Variants in LDB2 observed in about 807,000 individuals in gnomAD.
LDB2 encodes the protein LIM domain binding 2, also known as LIM domain-binding protein 2.
Under a neutral mutation model 44.3 loss-of-function variants are expected in LDB2, and 12 were observed. That is an observed-to-expected ratio of 0.27 (90% confidence interval 0.17 to 0.44). The LOEUF is 0.44. LDB2 is among the 20% of genes least tolerant of loss of function. LDB2 has a pLI of 1.00. For synonymous variants in LDB2, 164 were observed against 174.8 expected, an observed-to-expected ratio of 0.94 and a Z score of 0.49; for missense variants, 344 against 473.5, an observed-to-expected ratio of 0.73 and a Z score of 2.54.
chr4:16,565,438 A>ATT lies in LDB2; in HGVS notation c.615+20482_615+20483dup, dbSNP rs552027551. Among the ~76,000 whole-genome samples, 561 of 149,670 alleles carry ATT rather than the reference A, an allele frequency of 3.7e-3. 5 individuals are homozygous for ATT. Among genetic ancestry groups the ATT allele is most frequent in the African/African-American group, 0.013 (528 of 40,982 alleles). ...ATACATTTGATAAAATTCGACATCCATTTTTTTTTTACTTTAAATAGCTCT... is the reference window on the plus strand; with the variant it reads ...ATACATTTGATAAAATTCGACATCCATTTTTTTTTTTTACTTTAAATAGCTCT... On this transcript the variant is annotated intron_variant, in intron 5 of 7. Coordinates refer to ENST00000304523, the MANE Select transcript of LDB2 (RefSeq NM_001290.5).
chr4:16,724,034 C>T lies in LDB2; in HGVS notation c.235+35124G>A, dbSNP rs188918082. Reference sequence around the variant, plus strand: ...CCTGCCATCTCCTCACTGCCTACAGCAGTGCCTAGTGCAGTGCAGCCAATC... The same window carrying T: ...CCTGCCATCTCCTCACTGCCTACAGTAGTGCCTAGTGCAGTGCAGCCAATC... On this transcript the variant is annotated intron_variant, in intron 2 of 7. Transcript: ENST00000304523. 1.8e-4 allele frequency among the ~76,000 whole-genome samples: 27 copies of T among 152,266 alleles called. No individual in the cohort carries two copies. The East Asian group carries it at 4.8e-3, about 27-fold the overall frequency.
intron 2 of LDB2, among the ~76,000 whole-genome samples, chr4:16,631,086 G>A (rs964166060): frequency 6.6e-5 from 10 of 152,192 alleles, no homozygotes; most frequent in South Asian, 2.1e-4. Context: ...AAGTGGACAT[G>A]ATAGACATCT....
chr4:16,720,922 T>C (rs1758135898), intron 2 of LDB2, among the ~76,000 whole-genome samples: 1 of 152,096 alleles, frequency 6.6e-6, no homozygotes, highest in African/African-American at 2.4e-5. Context: ...AAAGATAGAC[T>C]AGGCTGATCC....
chr4:16,589,115 A>G (rs1330372586), intron 3 of LDB2, among the ~76,000 whole-genome samples: 1 of 152,196 alleles, frequency 6.6e-6, no homozygotes, highest in Admixed American at 6.5e-5. Flanking sequence ...ATCTGTAAAT[A>G]TGGAGATAAA....
intron 1 of LDB2, among the ~76,000 whole-genome samples, chr4:16,881,954 A>G (rs961361881): frequency 6.6e-6 from 1 of 152,214 alleles, no homozygotes; most frequent in African/African-American, 2.4e-5. Flanking sequence ...TTAAGAAGTT[A>G]ACAGTGCCTT....
At chr4:16,738,776 T>G (rs1302856675) in intron 2 of LDB2, among the ~76,000 whole-genome samples, 1 of 152,242 alleles carries the variant, frequency 6.6e-6, no homozygotes, top group Non-Finnish European at 1.5e-5. Flanking sequence ...TGAATGAATA[T>G]GCGAATGGAT....
chr4:16,769,858 G>A (rs752919839), intron 1 of LDB2, among the ~76,000 whole-genome samples: 1 of 152,116 alleles, frequency 6.6e-6, no homozygotes, highest in Non-Finnish European at 1.5e-5. Context: ...TCCCTGTCTA[G>A]TGCCTGTGGA....
rs746235884 is a variant in LDB2, at chr4:16,705,618, A to G, written c.235+53540T>C. 8.7e-4 allele frequency among the ~76,000 whole-genome samples: 133 copies of G among 152,332 alleles called. 3 individuals carry two copies. The highest frequency in any genetic ancestry group is 1.4e-3 in the Admixed American group (21 of 15,306). On this transcript the variant is annotated intron_variant, in intron 2 of 7. Coordinates refer to ENST00000304523, the MANE Select transcript of LDB2 (RefSeq NM_001290.5). ...CACAGTCCCATGAAGAAAAATATAG[A>G]GGCTTTTTGTTCTAAGCCACTCTGT...
chr4:16,858,932 A>G (rs1242577653), intron 1 of LDB2, among the ~76,000 whole-genome samples: 1 of 152,224 alleles, frequency 6.6e-6, no homozygotes, highest in Non-Finnish European at 1.5e-5. Context: ...CCAACTCTCC[A>G]TGCTTCAAAT....
chr4:16,759,451 C>A, intron 1 of LDB2, 191 bp from the exon 2 acceptor site: 1 of 558,430 alleles, frequency 1.8e-6, no homozygotes, highest in South Asian at 2.5e-5. Context: ...AACCAAATTC[C>A]AATTCAATAA....
chr4:16,765,700 T>C (rs1213163998), intron 1 of LDB2, among the ~76,000 whole-genome samples: 3 of 152,212 alleles, frequency 2.0e-5, no homozygotes, highest in African/African-American at 4.8e-5. Flanking sequence ...TCTAAAAATG[T>C]AGGAATCTTA....
intron 2 of LDB2, among the ~76,000 whole-genome samples, chr4:16,731,603 T>C (rs370456858): frequency 5.9e-5 from 9 of 152,204 alleles, no homozygotes; most frequent in East Asian, 5.8e-4. Context: ...TCAACAGGAA[T>C]TGAATTAGCC....
chr4:16,532,605 G>T (rs752738282), intron 5 of LDB2, among the ~76,000 whole-genome samples: 4 of 152,154 alleles, frequency 2.6e-5, no homozygotes, highest in Admixed American at 6.6e-5. Context: ...CTTAGGTGTG[G>T]TCACGAAGAG....
At chr4:16,651,596 T>TA (rs397781290) in intron 2 of LDB2, among the ~76,000 whole-genome samples, 1 of 151,614 alleles carries the variant, frequency 6.6e-6, no homozygotes, top group Admixed American at 6.6e-5. Context: ...CTTTTTTTTT[T>TA]AATGTCTACG....
At chr4:16,666,955 T>A (rs1388036330) in intron 2 of LDB2, among the ~76,000 whole-genome samples, 1 of 152,098 alleles carries the variant, frequency 6.6e-6, no homozygotes, top group Non-Finnish European at 1.5e-5. Context: ...GGTGGGGGAA[T>A]GGAAAGGTGA....
chr4:16,511,839 T>C (rs1721877152), intron 6 of LDB2, 142 bp downstream of exon 6: 3 of 923,782 alleles, frequency 3.2e-6, no homozygotes, highest in Non-Finnish European at 4.8e-6. Context: ...TGTCTTTATG[T>C]CCACAACCAT....
intron 1 of LDB2, among the ~76,000 whole-genome samples, chr4:16,822,690 A>G (rs1425917836): frequency 2.0e-5 from 3 of 151,624 alleles, no homozygotes; most frequent in African/African-American, 7.3e-5. Flanking sequence ...AATTTTTTGT[A>G]TTTTTAGTAG....
chr4:16,871,777 C>T (rs1448673217), intron 1 of LDB2, among the ~76,000 whole-genome samples: 3 of 126,002 alleles, frequency 2.4e-5, no homozygotes, highest in South Asian at 2.2e-4. Flanking sequence ...CCCACCACCA[C>T]GCCCAGCTAA....
Position 16,707,977 on chromosome 4 carries a change from T to G in LDB2, c.235+51181A>C, listed in dbSNP as rs1161821384. Among the ~76,000 whole-genome samples, 5 of 152,336 alleles carry G rather than the reference T, an allele frequency of 3.3e-5. No homozygotes were observed. In the East Asian group the frequency reaches 9.6e-4, roughly 29 times the overall value. On this transcript the variant is annotated intron_variant, in intron 2 of 7. Transcript: ENST00000304523. Reference sequence around the variant, plus strand: ...GAAAGACTTGCGTGTGTGCCTCAAATGAGCCATTTCCCGTGTTCAAACTGA... The same window carrying G: ...GAAAGACTTGCGTGTGTGCCTCAAAGGAGCCATTTCCCGTGTTCAAACTGA...
Sources: allele counts gnomAD v4.1 joint callset (sites outside exome capture counted in the v4.1 genomes callset), GRCh38; gene constraint gnomAD v4.1.1; transcripts MANE v1.5; gene names NCBI Gene and HGNC (gene_info 2026-07-23, HGNC 2026-07-21).